SH2D3C: variants seen among roughly 807,000 people sequenced by gnomAD.
SH2D3C encodes the protein SH2 domain-containing protein 3C.
Under a neutral mutation model 75.2 loss-of-function variants are expected in SH2D3C, and 25 were observed. The observed-to-expected ratio is 0.33, with a 90% confidence interval of 0.24 to 0.46. The LOEUF (loss-of-function observed/expected upper bound fraction) is 0.46. SH2D3C is among the 20% of genes least tolerant of loss of function. The pLI is 1.00. For synonymous variants in SH2D3C, 450 were observed against 473.7 expected (o/e 0.95, Z 0.65); for missense variants, 933 against 1,165.3 (o/e 0.80, Z 2.90).
Position 127,738,516 on chromosome 9 carries a change from G to A in SH2D3C, c.*230C>T, listed in dbSNP as rs553693767. 15 of 395,184 alleles carry A rather than the reference G, an allele frequency of 3.8e-5. No homozygotes were observed. Among genetic ancestry groups the A allele is most frequent in the Non-Finnish European group, 5.8e-5 (13 of 222,586 alleles). The allele number at this position is 395,184 out of a possible 1,614,324, so 24.5% of individuals were successfully genotyped here. A position where few individuals can be genotyped will look rare whatever the true frequency, so the allele number is the denominator to read the frequency against. ...GCAGGAAGGGGAGCAGCAAAAGCTG[G>A]TGGGGGAACCGGCGTTCCTGTTCTT... On this transcript the variant is annotated 3_prime_UTR_variant, in exon 12 of 12. Coordinates refer to ENST00000314830, the MANE Select transcript of SH2D3C (RefSeq NM_170600.3). The surrounding 1 kb of genome is among the most constrained non-coding windows in gnomAD (Gnocchi z 5.0).
intron 2 of SH2D3C, chr9:127,771,236 C>T (rs1460950175): frequency 3.9e-6 from 6 of 1,544,868 alleles, no homozygotes; most frequent in South Asian, 3.6e-5. Flanking sequence ...TCATGCTTCC[C>T]CCGCTGTCGC....
Position 127,774,059 on chromosome 9 carries a change from A to C in SH2D3C, c.446T>G (p.Ile149Ser). 3 of 1,613,836 alleles carry C rather than the reference A, an allele frequency of 1.9e-6. No individual in the cohort carries two copies. The highest frequency in any genetic ancestry group is 2.5e-6 in the Non-Finnish European group (3 of 1,179,950). ...PNPSAVEVDP[I>S]RKPEVPTGDV... ...TCCTGTGGGGACCTCAGGCTTTCTG[A>C]TGGGGTCTACCTCCACTGCTGAAGG... Residue 149 changes from isoleucine (I) to serine (S), a missense_variant, in exon 2 of 12, where the codon ATC (isoleucine) becomes AGC (serine). Coordinates refer to ENST00000314830, the MANE Select transcript of SH2D3C (RefSeq NM_170600.3). The surrounding 1 kb of genome is among the most constrained non-coding windows in gnomAD (Gnocchi z 4.3).
intron 2 of SH2D3C, chr9:127,766,995 G>T: frequency 6.5e-7 from 1 of 1,536,132 alleles, no homozygotes; most frequent in Non-Finnish European, 8.7e-7. Flanking sequence ...CCCCGTCTCT[G>T]CCAGGACACC....
rs956090340 is a variant in SH2D3C, at chr9:127,754,903, G to A, written c.556-3603C>T. 4 of 512,616 alleles carry A rather than the reference G, an allele frequency of 7.8e-6. No homozygotes were observed. Among genetic ancestry groups the A allele is most frequent in the African/African-American group, 4.0e-5 (2 of 50,586 alleles). 31.8% of individuals were successfully genotyped at this position (512,616 alleles called of 1,614,324 possible). ...CCCTCACCCCGCGGAGCGCCTGGGC[G>A]CCCAGAGGTGAGGCTGGGGTGACCC... On this transcript the variant is annotated intron_variant, in intron 3 of 11. Transcript: ENST00000314830. The surrounding 1 kb of genome is among the most constrained non-coding windows in gnomAD (Gnocchi z 4.4).
At chr9:127,742,111 G>A in intron 8 of SH2D3C, 152 bp from the exon 9 acceptor site, 1 of 704,836 alleles carries the variant, frequency 1.4e-6, no homozygotes, top group Non-Finnish European at 2.3e-6. Context: ...GGCGCGGCCA[G>A]AGCGTGGAAA....
intron 2 of SH2D3C, among the ~76,000 whole-genome samples, chr9:127,764,649 G>A (rs1007074602): frequency 6.6e-6 from 1 of 152,064 alleles, no homozygotes; most frequent in Non-Finnish European, 1.5e-5. Context: ...CCTGCTGCCT[G>A]GAATATTTTT....
At chr9:127,748,425 G>A (rs767671556) in intron 5 of SH2D3C, among the ~76,000 whole-genome samples, 39 of 152,226 alleles carry the variant, frequency 2.6e-4, no homozygotes, top group Non-Finnish European at 4.7e-4. Context: ...AGTGCAGGTG[G>A]CACAGGACAG....
chr9:127,757,629 TG>T lies in SH2D3C; in HGVS notation c.555+3981del, dbSNP rs1564419766. 5.7e-3 allele frequency among the ~76,000 whole-genome samples: 709 copies of T among 124,128 alleles called. 6 individuals carry two copies. Among genetic ancestry groups the T allele is most frequent in the African/African-American group, 0.014 (454 of 33,384 alleles). The allele number at this position is 124,128 out of a possible 152,430, so 81.4% of individuals were successfully genotyped here. A position where few individuals can be genotyped will look rare whatever the true frequency, so the allele number is the denominator to read the frequency against. On this transcript the variant is annotated intron_variant, in intron 3 of 11. Transcript: ENST00000314830. ...ATGATGATGATGATGATGATGATGA[TG>T]ATGATGATGATGATGATTATTATTA...
intron 2 of SH2D3C, chr9:127,767,006 A>G: frequency 6.5e-7 from 1 of 1,536,150 alleles, no homozygotes; most frequent in Non-Finnish European, 8.7e-7. Context: ...CCAGGACACC[A>G]GCCATGGGGC....
chr9:127,769,505 A>C (rs1331187015), intron 2 of SH2D3C, among the ~76,000 whole-genome samples: 2 of 151,784 alleles, frequency 1.3e-5, no homozygotes, highest in Non-Finnish European at 2.9e-5. Flanking sequence ...ACACACACAA[A>C]ATTAGCCAGG....
chr9:127,769,649 T>G (rs1426170256), intron 2 of SH2D3C, among the ~76,000 whole-genome samples: 21 of 110,314 alleles, frequency 1.9e-4, no homozygotes, highest in Middle Eastern at 5.3e-3. Context: ...AGAGCAAAAC[T>G]CCATCTCGAA....
At position 127,749,495 on chromosome 9, in the gene SH2D3C, A is replaced by T; in HGVS notation, c.855T>A (p.Phe285Leu). 1 of 1,614,196 alleles carries T rather than the reference A, an allele frequency of 6.2e-7. No individual in the cohort carries two copies. Among genetic ancestry groups the T allele is most frequent in the Non-Finnish European group, 8.5e-7 (1 of 1,180,028 alleles). The stretch of plus-strand genomic sequence containing the variant: ...GCACGTGGTCAAAGCTCTCCTGCTC[A>T]AACAGGTACTGGATGTGTGTGTAGC... ...GESYTHIQYL[F>L]EQESFDHVPA... Residue 285 changes from phenylalanine (F) to leucine (L), a missense_variant, in exon 5 of 12, where the codon TTT (phenylalanine) becomes TTA (leucine). By Grantham distance (22) the Phe-to-Leu change is conservative. Transcript: ENST00000314830. This position sits in a 1 kb window ranked among gnomAD's most constrained non-coding sequence, Gnocchi z 5.9.
intron 7 of SH2D3C, among the ~76,000 whole-genome samples, chr9:127,743,359 C>T (rs1397336045): frequency 2.0e-5 from 3 of 152,066 alleles, no homozygotes; most frequent in Admixed American, 1.3e-4. Context: ...AAAAATCAGC[C>T]GGGTATAGTG....
chr9:127,771,311 G>A, intron 2 of SH2D3C: 1 of 1,473,870 alleles, frequency 6.8e-7, no homozygotes, highest in Non-Finnish European at 9.0e-7. Context: ...CTGAGCTGCA[G>A]AGCTCAGTGC....
At chr9:127,761,680 C>G in intron 2 of SH2D3C, 30 bp from the exon 3 acceptor site, 1 of 1,602,774 alleles carries the variant, frequency 6.2e-7, no homozygotes, top group South Asian at 1.1e-5. Flanking sequence ...GTGAGCATCC[C>G]CAGCCCTGCT....
chr9:127,757,644 TG>T (rs57699164), intron 3 of SH2D3C, among the ~76,000 whole-genome samples: 3,077 of 140,430 alleles, frequency 0.022, 31 homozygotes, highest in African/African-American at 0.03. Flanking sequence ...ATGATGATGA[TG>T]ATTATTATTA....
Position 127,738,559 on chromosome 9 carries a change from T to G in SH2D3C, c.*187A>C. On this transcript the variant is annotated 3_prime_UTR_variant, in exon 12 of 12. Coordinates refer to ENST00000314830, the MANE Select transcript of SH2D3C (RefSeq NM_170600.3). The surrounding 1 kb of genome is among the most constrained non-coding windows in gnomAD (Gnocchi z 5.0). Reference sequence around the variant, plus strand: ...CTGTTCTTCCTCAATGGAGACCTGGTGAGCATGTAGCAGGTGGGATGGAAC... The same window carrying G: ...CTGTTCTTCCTCAATGGAGACCTGGGGAGCATGTAGCAGGTGGGATGGAAC... 4.1e-6 allele frequency: 2 copies of G among 492,430 alleles called. No homozygotes were observed. The highest frequency in any genetic ancestry group is 3.4e-6 in the Non-Finnish European group (1 of 291,362). 30.5% of individuals were successfully genotyped at this position (492,430 alleles called of 1,614,324 possible). A position where few individuals can be genotyped will look rare whatever the true frequency, so the allele number is the denominator to read the frequency against.
In SH2D3C at chr9:127,745,021, T is replaced by C; in HGVS notation, c.1343A>G (p.Glu448Gly). 1 of 1,513,250 alleles carries C rather than the reference T, an allele frequency of 6.6e-7. No individual in the cohort carries two copies. Among genetic ancestry groups the C allele is most frequent in the Non-Finnish European group, 8.8e-7 (1 of 1,131,300 alleles). 93.7% of individuals were successfully genotyped at this position (1,513,250 alleles called of 1,614,324 possible). A position where few individuals can be genotyped will look rare whatever the true frequency, so the allele number is the denominator to read the frequency against. The change falls in exon 7 of 12, where the codon GAG becomes GGG. Residue 448 changes from glutamate to glycine, a missense_variant. Transcript: ENST00000314830. Reference sequence around the variant, plus strand: ...GGCACTTCCGGGACACAGCTGGGGCTCACTGGAACGGCGGGCGACAGGGGA... The same window carrying C: ...GGCACTTCCGGGACACAGCTGGGGCCCACTGGAACGGCGGGCGACAGGGGA... ...PASPVARRSSEPQLCPGSAPK... is the reference protein window; with the variant it reads ...PASPVARRSSGPQLCPGSAPK...
intron 1 of SH2D3C, among the ~76,000 whole-genome samples, chr9:127,775,821 ATTAT>A (rs893353384): frequency 3.6e-4 from 54 of 151,506 alleles, no homozygotes; most frequent in African/African-American, 1.2e-3. Flanking sequence ...AATAGCAATA[ATTAT>A]TTATTTATTA....
Sources: gnomAD v4.1 joint callset for allele counts (sites outside exome capture counted in the v4.1 genomes callset) on GRCh38, gnomAD v4.1.1 for gene constraint, Gnocchi (gnomAD v3.1) non-coding constraint, MANE v1.5 for transcripts, NCBI Gene and HGNC (gene_info 2026-07-23, HGNC 2026-07-21) for gene names.